NAF1: variants seen among roughly 807,000 people sequenced by gnomAD.
The protein encoded by NAF1 is H/ACA ribonucleoprotein complex non-core subunit NAF1.
A neutral mutation model predicts 40.6 loss-of-function variants in NAF1; 11 were observed. That is an observed-to-expected ratio of 0.27 (90% confidence interval 0.17 to 0.45). The LOEUF (loss-of-function observed/expected upper bound fraction) is 0.45. Ranked by LOEUF, NAF1 falls within the 20% of genes least tolerant of loss-of-function variation. The pLI is 1.00. For missense variants in NAF1, 607 were observed against 611.1 expected (o/e 0.99, Z 0.07); for synonymous variants, 260 against 228.5 (o/e 1.14, Z -1.24).
chr4:163,110,361 A>C, intron 2 of NAF1: 1 of 680,256 alleles, frequency 1.5e-6, no homozygotes, highest in Non-Finnish European at 2.7e-6. Flanking sequence ...GTTACTACAA[A>C]ATATTGTTAT....
chr4:163,139,367 T>C (rs1409265653), intron 5 of NAF1, among the ~76,000 whole-genome samples: 1 of 152,116 alleles, frequency 6.6e-6, no homozygotes, highest in Non-Finnish European at 1.5e-5. Context: ...CCCCCAGTCT[T>C]TGGCAGTCTT....
Position 163,166,520 on chromosome 4 carries a change from C to G in NAF1, c.208G>C (p.Val70Leu), listed in dbSNP as rs746104270. 28 of 1,597,734 alleles carry G rather than the reference C, an allele frequency of 1.8e-5. No homozygotes were observed. Among genetic ancestry groups the G allele is most frequent in the Non-Finnish European group, 9.4e-6 (11 of 1,171,990 alleles). The change falls in exon 1 of 8, where the codon GTT becomes CTT. Residue 70 changes from valine (V) to leucine (L), a missense_variant. Physicochemically the swap from Val to Leu is conservative, Grantham distance 32 (BLOSUM62 1). Around this residue, in one of 3 missense-constraint regions of NAF1, gnomAD observed 407 missense variants for 365.5 expected, o/e 1.11. Transcript: ENST00000274054. ...KPAGEQPLQP[V>L]LNAVAAGTPA... ...GTCCCGGCCGCGACGGCGTTCAGAA[C>G]GGGCTGCAGAGGCTGCTCCCCGGCA... is the stretch of plus-strand genomic sequence containing the variant.
In NAF1 at chr4:163,166,869, A is replaced by C. The variant is rs1041357068; in HGVS notation, c.-142T>G. The C allele has an allele frequency of 4.3e-6, 5 of 1,153,028 alleles. No homozygotes were observed. In the Admixed American group the frequency reaches 8.9e-5, roughly 21 times the overall value. 71.4% of individuals were successfully genotyped at this position (1,153,028 alleles called of 1,614,324 possible). A position where few individuals can be genotyped will look rare whatever the true frequency, so the allele number is the denominator to read the frequency against. Reference sequence around the variant, plus strand: ...CTTCCCGCGTTTCTCAGGTAACTACACGCGGAGGAGCCAAAAGACACGCCC... The same window carrying C: ...CTTCCCGCGTTTCTCAGGTAACTACCCGCGGAGGAGCCAAAAGACACGCCC... On this transcript the variant is annotated 5_prime_UTR_variant, in exon 1 of 8. Coordinates refer to ENST00000274054, the MANE Select transcript of NAF1 (RefSeq NM_138386.3).
downstream of NAF1, among the ~76,000 whole-genome samples, chr4:163,109,901 A>G (rs868153816): frequency 2.0e-5 from 3 of 152,252 alleles, no homozygotes; most frequent in Non-Finnish European, 4.4e-5. Context: ...TCTGATCCAG[A>G]ATGAAATGAA....
chr4:163,138,241 A>G (rs748750992), intron 5 of NAF1, among the ~76,000 whole-genome samples: 2 of 152,122 alleles, frequency 1.3e-5, no homozygotes, highest in Non-Finnish European at 2.9e-5. Context: ...GAACTTTGAC[A>G]TTATATATGA....
At chr4:163,126,450 G>T (rs1328677112), downstream of NAF1, among the ~76,000 whole-genome samples, 1 of 152,172 alleles carries the variant, frequency 6.6e-6, no homozygotes, top group Non-Finnish European at 1.5e-5. Flanking sequence ...AATAGGAAGA[G>T]AACTAGAATT....
intron 4 of NAF1, chr4:163,141,984 CATTAAAAACTAT>C: frequency 1.1e-6 from 1 of 899,548 alleles, no homozygotes; most frequent in Non-Finnish European, 1.3e-6. Flanking sequence ...GAAGTAGTGA[CATTAAAAACTAT>C]TAAAATGCCA....
chr4:163,142,016 G>T, intron 4 of NAF1: 1 of 619,086 alleles, frequency 1.6e-6, no homozygotes, highest in Non-Finnish European at 2.0e-6. Flanking sequence ...AATGTATTAT[G>T]AAATAACACT....
chr4:163,109,418 C>G (rs1730104055), downstream of NAF1, among the ~76,000 whole-genome samples: 1 of 151,760 alleles, frequency 6.6e-6, no homozygotes, highest in African/African-American at 2.4e-5. Context: ...AAACATTAGC[C>G]TACAATTGTT....
At chr4:163,136,125 G>A (rs779318652) in intron 6 of NAF1, 2 of 151,970 alleles carry the variant, frequency 1.3e-5, no homozygotes, top group Non-Finnish European at 2.9e-5. Flanking sequence ...CATGATTTAC[G>A]ATTGCTTTAA....
At chr4:163,160,555 T>C (rs1304167492) in intron 2 of NAF1, among the ~76,000 whole-genome samples, 1 of 152,176 alleles carries the variant, frequency 6.6e-6, no homozygotes, top group Non-Finnish European at 1.5e-5. Flanking sequence ...AATGGAAAGA[T>C]TTAAAGGGAT....
At chr4:163,104,594 A>C in the NAF1 span, among the ~76,000 whole-genome samples, 1 of 152,228 alleles carries the variant, frequency 6.6e-6, no homozygotes, top group Non-Finnish European at 1.5e-5. Context: ...ACTCAGCTAT[A>C]GTAAAGTATC....
intron 2 of NAF1, among the ~76,000 whole-genome samples, chr4:163,157,857 T>A (rs1732053352): frequency 6.6e-6 from 1 of 152,066 alleles, no homozygotes; most frequent in Admixed American, 6.6e-5. Context: ...GCCTAAAACT[T>A]TCAATGCAAA....
At chr4:163,157,347 A>G (rs1277522799) in intron 2 of NAF1, 1 of 152,036 alleles carries the variant, frequency 6.6e-6, no homozygotes, top group African/African-American at 2.4e-5. Flanking sequence ...CTCCACAAAT[A>G]CTAAAAACAC....
chr4:163,113,276 T>A (rs1296253889), intron 2 of NAF1, among the ~76,000 whole-genome samples: 1 of 152,116 alleles, frequency 6.6e-6, no homozygotes, highest in African/African-American at 2.4e-5. Flanking sequence ...GAAGAGAGTA[T>A]GGCCAGCATG....
intron 2 of NAF1, among the ~76,000 whole-genome samples, chr4:163,113,749 G>A (rs1309481985): frequency 6.6e-6 from 1 of 152,126 alleles, no homozygotes; most frequent in Non-Finnish European, 1.5e-5. Flanking sequence ...CAATGCAAAA[G>A]CCTTTATTCT....
chr4:163,120,148 G>A (rs1158765891), intron 2 of NAF1, among the ~76,000 whole-genome samples: 4 of 152,180 alleles, frequency 2.6e-5, no homozygotes, highest in Non-Finnish European at 5.9e-5. Context: ...TTGGGGGAGA[G>A]TGCAAATGTT....
At chr4:163,103,957 A>T in the NAF1 span, among the ~76,000 whole-genome samples, 1 of 151,934 alleles carries the variant, frequency 6.6e-6, no homozygotes, top group Non-Finnish European at 1.5e-5. Context: ...TTATTTCACC[A>T]GGGTGCAGGC....
intron 6 of NAF1, chr4:163,135,981 T>C (rs952432285): frequency 3.3e-5 from 5 of 152,278 alleles, no homozygotes; most frequent in Non-Finnish European, 5.9e-5. Flanking sequence ...ATAACATTAA[T>C]TAGAAAACAT....
Sources: allele counts gnomAD v4.1 joint callset (sites outside exome capture counted in the v4.1 genomes callset), GRCh38; gene constraint gnomAD v4.1.1; regional missense constraint gnomAD v4.1.1; transcripts MANE v1.5; gene names NCBI Gene and HGNC (gene_info 2026-07-23, HGNC 2026-07-21).